The following SORCS1 variants were observed in gnomAD, a reference collection of about 807,000 sequenced individuals.
SORCS1 encodes the protein VPS10 domain-containing receptor SorCS1.
Under a neutral mutation model 146.1 loss-of-function variants are expected in SORCS1, and 60 were observed. That is an observed-to-expected ratio of 0.41 (90% CI 0.33 to 0.51). SORCS1 has a LOEUF of 0.51. Ranked by LOEUF, SORCS1 falls within the 20% of genes least tolerant of loss-of-function variation. The probability of loss-of-function intolerance (pLI) is 0.21; values close to 1 mark genes in which losing one functional copy is unlikely to be tolerated. For missense variants in SORCS1, 1,352 were observed against 1,487.6 expected (o/e 0.91, Z 1.50); for synonymous variants, 637 against 584.0 (o/e 1.09, Z -1.31).
intron 24 of SORCS1, among the ~76,000 whole-genome samples, chr10:106,584,623 A>G (rs930063372): frequency 2.0e-5 from 3 of 152,224 alleles, no homozygotes; most frequent in Admixed American, 6.5e-5. Context: ...TTCACCCCAT[A>G]AAAGCCTCAT....
At chr10:106,828,922 C>A (rs975835055) in intron 3 of SORCS1, among the ~76,000 whole-genome samples, 2 of 152,164 alleles carry the variant, frequency 1.3e-5, no homozygotes, top group African/African-American at 4.8e-5. Flanking sequence ...GGCCATAACT[C>A]TGCAATGGGC....
chr10:107,169,269 C>T (rs1249455776), upstream of SORCS1, among the ~76,000 whole-genome samples: 1 of 152,134 alleles, frequency 6.6e-6, no homozygotes, highest in Non-Finnish European at 1.5e-5. Context: ...AGTGTCTTGT[C>T]TTGCATTTCA....
chr10:106,806,377 A>G (rs1357938084), intron 3 of SORCS1, among the ~76,000 whole-genome samples: 2 of 137,178 alleles, frequency 1.5e-5, no homozygotes, highest in Admixed American at 7.6e-5. Flanking sequence ...CAAAAATAAA[A>G]TAAAATAAAA....
intron 1 of SORCS1, among the ~76,000 whole-genome samples, chr10:107,125,349 A>G (rs149360693): frequency 6.6e-6 from 1 of 152,102 alleles, no homozygotes; most frequent in African/African-American, 2.4e-5. Context: ...AAGGATTATA[A>G]TGATATTTGA....
intron 6 of SORCS1, among the ~76,000 whole-genome samples, chr10:106,713,795 T>A (rs1182151665): frequency 6.6e-6 from 1 of 152,170 alleles, no homozygotes; most frequent in Non-Finnish European, 1.5e-5. Flanking sequence ...TCCCAGTAAG[T>A]TTGGGGCCAA....
At chr10:106,662,125 T>A (rs956622295) in intron 17 of SORCS1, among the ~76,000 whole-genome samples, 4 of 152,252 alleles carry the variant, frequency 2.6e-5, no homozygotes, top group African/African-American at 9.6e-5. Flanking sequence ...TGTGCAACCA[T>A]TCACTTCTAC....
intron 2 of SORCS1, among the ~76,000 whole-genome samples, chr10:106,849,281 A>G (rs1181948819): frequency 2.0e-5 from 3 of 150,198 alleles, no homozygotes; most frequent in African/African-American, 7.3e-5. Context: ...GGCTTTGCTC[A>G]TTTCTTTTTA....
intron 4 of SORCS1, among the ~76,000 whole-genome samples, chr10:106,772,090 T>A (rs565951370): frequency 6.6e-6 from 1 of 152,304 alleles, no homozygotes; most frequent in African/African-American, 2.4e-5. Context: ...AAGGGTTTTT[T>A]TAGAAGACAT....
chr10:106,874,951 T>C (rs940450877), intron 2 of SORCS1, among the ~76,000 whole-genome samples: 3 of 152,214 alleles, frequency 2.0e-5, no homozygotes, highest in Admixed American at 6.5e-5. Flanking sequence ...GCTTTGTTTT[T>C]ATTTTTTAAT....
chr10:107,180,839 G>A, the SORCS1 span, among the ~76,000 whole-genome samples: 1 of 152,094 alleles, frequency 6.6e-6, no homozygotes, highest in East Asian at 1.9e-4. Context: ...CTAGGCACAA[G>A]CCTAGATGGT....
At chr10:107,094,182 T>C (rs1019282171) in intron 1 of SORCS1, among the ~76,000 whole-genome samples, 1 of 150,244 alleles carries the variant, frequency 6.7e-6, no homozygotes, top group Admixed American at 6.6e-5. Flanking sequence ...AAGGCAAACA[T>C]TTTTTTTTAA....
chr10:106,945,949 A>C (rs1485971047), intron 2 of SORCS1, among the ~76,000 whole-genome samples: 1 of 152,170 alleles, frequency 6.6e-6, no homozygotes, highest in Non-Finnish European at 1.5e-5. Flanking sequence ...ATTTTGTTAA[A>C]ATCAAGGGGG....
At chr10:107,166,330 G>C (rs1015736484), upstream of SORCS1, among the ~76,000 whole-genome samples, 4 of 152,172 alleles carry the variant, frequency 2.6e-5, no homozygotes, top group African/African-American at 9.7e-5. Flanking sequence ...CCAAGAAAAC[G>C]TCTGTTATAT....
chr10:107,164,224 A>C lies in SORCS1; in HGVS notation c.303T>G (p.Val101=). The part of the protein sequence containing the change: ...RARGTGASMA[V]AARSGRRRRS... ...GTCTCCTCCGGCCGGAGCGTGCAGCAACCGCCATGGATGCCCCAGTGCCCC... is the reference window on the plus strand; with the variant it reads ...GTCTCCTCCGGCCGGAGCGTGCAGCCACCGCCATGGATGCCCCAGTGCCCC... Residue 101 remains valine (V), a synonymous_variant, in exon 1 of 26, where the codon GTT becomes GTG. Coordinates refer to ENST00000263054, the MANE Select transcript of SORCS1 (RefSeq NM_052918.5). This position sits in a 1 kb window ranked among gnomAD's most constrained non-coding sequence, Gnocchi z 6.8. The C allele has an allele frequency of 1.2e-6, 2 of 1,608,128 alleles. No homozygotes were observed. The highest frequency in any genetic ancestry group is 1.7e-6 in the Non-Finnish European group (2 of 1,179,710).
chr10:106,796,830 C>T (rs1444581520), intron 3 of SORCS1, among the ~76,000 whole-genome samples: 2 of 152,238 alleles, frequency 1.3e-5, no homozygotes, highest in Non-Finnish European at 2.9e-5. Flanking sequence ...ATGTACCTGG[C>T]CGGGCACAGT....
At chr10:107,147,983 T>C (rs1968476169) in intron 1 of SORCS1, among the ~76,000 whole-genome samples, 2 of 152,304 alleles carry the variant, frequency 1.3e-5, no homozygotes, top group South Asian at 2.1e-4. Context: ...AATGAGGACT[T>C]AAATAATGGA....
At chr10:106,652,117 C>A (rs1849908946) in intron 18 of SORCS1, among the ~76,000 whole-genome samples, 1 of 151,960 alleles carries the variant, frequency 6.6e-6, no homozygotes, top group African/African-American at 2.4e-5. Flanking sequence ...GCCAATAAGG[C>A]AAGATTAAAT....
At chr10:106,795,650 T>C (rs1946519482) in intron 3 of SORCS1, among the ~76,000 whole-genome samples, 1 of 152,208 alleles carries the variant, frequency 6.6e-6, no homozygotes, top group Non-Finnish European at 1.5e-5. Flanking sequence ...ATAATGGGTG[T>C]TCGTGTGATC....
At chr10:107,150,712 A>AG (rs1686206303) in intron 1 of SORCS1, among the ~76,000 whole-genome samples, 1 of 152,144 alleles carries the variant, frequency 6.6e-6, no homozygotes, top group Non-Finnish European at 1.5e-5. Flanking sequence ...GAACCATGGG[A>AG]GCAGTTACCT....
Sources: allele counts gnomAD v4.1 joint callset (sites outside exome capture counted in the v4.1 genomes callset), GRCh38; gene constraint gnomAD v4.1.1; non-coding constraint Gnocchi (gnomAD v3.1); transcripts MANE v1.5; gene names NCBI Gene and HGNC (gene_info 2026-07-23, HGNC 2026-07-21).